PLA2G12B: variants seen among roughly 807,000 people sequenced by gnomAD.
The protein encoded by PLA2G12B is group XIIB secretory phospholipase A2-like protein.
Under a neutral mutation model 22.3 loss-of-function variants are expected in PLA2G12B, and 19 were observed. The ratio of observed to expected loss-of-function variants is 0.85; its 90% CI spans 0.60 to 1.25. The LOEUF (loss-of-function observed/expected upper bound fraction) is 1.25. Among genes scored for constraint, PLA2G12B ranks in the 50% most tolerant of loss-of-function variants. The probability of loss-of-function intolerance (pLI) is 0.00; values close to 1 mark genes in which losing one functional copy is unlikely to be tolerated. For missense variants in PLA2G12B, 191 were observed against 246.6 expected, an observed-to-expected ratio of 0.77 and a Z score of 1.51; for synonymous variants, 81 against 94.9, an observed-to-expected ratio of 0.85 and a Z score of 0.85.
chr10:72,949,972 GTCTCAA>G, intron 1 of PLA2G12B, among the ~76,000 whole-genome samples: 1 of 149,948 alleles, frequency 6.7e-6, no homozygotes, highest in African/African-American at 2.5e-5. Context: ...GGGAGACTCC[GTCTCAA>G]GAAAAACAAA....
At chr10:72,937,388 C>T (rs1276177603) in intron 3 of PLA2G12B, among the ~76,000 whole-genome samples, 1 of 152,094 alleles carries the variant, frequency 6.6e-6, no homozygotes, top group Non-Finnish European at 1.5e-5. Flanking sequence ...ATTACTAACC[C>T]AAGCTCGTGA....
At chr10:72,940,921 G>A (rs1055527302) in intron 3 of PLA2G12B, among the ~76,000 whole-genome samples, 2 of 152,062 alleles carry the variant, frequency 1.3e-5, no homozygotes, top group African/African-American at 4.8e-5. Context: ...TTATTTTTCT[G>A]GGAAGACTTT....
intron 2 of PLA2G12B, 52 bp downstream of exon 2, chr10:72,942,600 T>C: frequency 7.2e-7 from 1 of 1,396,340 alleles, no homozygotes; most frequent in Non-Finnish European, 9.8e-7. Flanking sequence ...AACTCTAGGA[T>C]TGCTCTCAGT....
intron 1 of PLA2G12B, among the ~76,000 whole-genome samples, chr10:72,951,235 G>C (rs1196773356): frequency 2.0e-5 from 3 of 151,988 alleles, no homozygotes; most frequent in African/African-American, 7.3e-5. Flanking sequence ...ACTCACCCAA[G>C]GTCACCAGCA....
At chr10:72,936,639 G>T (rs772793824) in intron 3 of PLA2G12B, among the ~76,000 whole-genome samples, 3 of 152,104 alleles carry the variant, frequency 2.0e-5, no homozygotes, top group Non-Finnish European at 4.4e-5. Context: ...TGGCTACAGG[G>T]TTTCTTTTGG....
intron 1 of PLA2G12B, among the ~76,000 whole-genome samples, chr10:72,948,245 GGGTTAC>G (rs1846474043): frequency 6.6e-6 from 1 of 152,100 alleles, no homozygotes; most frequent in African/African-American, 2.4e-5. Flanking sequence ...TCGGTTTCTT[GGGTTAC>G]CCTCTGCCTT....
At chr10:72,951,347 G>A (rs1052129806) in intron 1 of PLA2G12B, among the ~76,000 whole-genome samples, 3 of 151,804 alleles carry the variant, frequency 2.0e-5, no homozygotes, top group Admixed American at 1.3e-4. Flanking sequence ...GCACTTCCAA[G>A]GTCTCACCAC....
chr10:72,936,839 AAAAG>A (rs1344379678), intron 3 of PLA2G12B, among the ~76,000 whole-genome samples: 1 of 152,230 alleles, frequency 6.6e-6, no homozygotes, highest in Non-Finnish European at 1.5e-5. Context: ...AACCAAGAAA[AAAAG>A]AGAGGACTCA....
chr10:72,944,993 G>A (rs997176125), intron 1 of PLA2G12B, among the ~76,000 whole-genome samples: 1 of 152,202 alleles, frequency 6.6e-6, no homozygotes, highest in African/African-American at 2.4e-5. Flanking sequence ...TGGTTGCCAA[G>A]GTGGGCTAGG....
chr10:72,946,848 C>A (rs1424249186), intron 1 of PLA2G12B, among the ~76,000 whole-genome samples: 1 of 151,460 alleles, frequency 6.6e-6, no homozygotes, highest in African/African-American at 2.4e-5. Context: ...GTCAATTCTG[C>A]AAATATTTTG....
At chr10:72,942,365 T>C (rs1362762040) in intron 2 of PLA2G12B, among the ~76,000 whole-genome samples, 1 of 152,116 alleles carries the variant, frequency 6.6e-6, no homozygotes, top group African/African-American at 2.4e-5. Flanking sequence ...ACCTGTCAGA[T>C]CTATCTCAAA....
intron 1 of PLA2G12B, among the ~76,000 whole-genome samples, chr10:72,944,111 CCTT>C (rs1846404974): frequency 6.6e-6 from 1 of 151,520 alleles, no homozygotes; most frequent in Admixed American, 6.6e-5. Flanking sequence ...CTCCTTCCTT[CCTT>C]CTTCTCCTAC....
At chr10:72,952,024 C>T (rs1564605637) in intron 1 of PLA2G12B, among the ~76,000 whole-genome samples, 1 of 152,146 alleles carries the variant, frequency 6.6e-6, no homozygotes, top group Non-Finnish European at 1.5e-5. Context: ...ACCCCTTTAC[C>T]TTGGCTGTGC....
chr10:72,946,568 G>A (rs886963308), intron 1 of PLA2G12B, among the ~76,000 whole-genome samples: 1 of 152,162 alleles, frequency 6.6e-6, no homozygotes, highest in Non-Finnish European at 1.5e-5. Context: ...CAATGCGTGA[G>A]GGTTCCCATT....
chr10:72,951,724 G>T (rs140184911), intron 1 of PLA2G12B, among the ~76,000 whole-genome samples: 2 of 152,256 alleles, frequency 1.3e-5, no homozygotes, highest in African/African-American at 4.8e-5. Flanking sequence ...CTCCCAAAGT[G>T]CTGGGATTAC....
intron 3 of PLA2G12B, among the ~76,000 whole-genome samples, chr10:72,937,787 T>C (rs1040950434): frequency 1.3e-5 from 2 of 152,168 alleles, no homozygotes; most frequent in African/African-American, 4.8e-5. Flanking sequence ...TACCACATGA[T>C]CATCTCAATA....
In PLA2G12B at chr10:72,935,639, T is replaced by C; in HGVS notation, c.566A>G (p.Glu189Gly). 6.2e-7 allele frequency: 1 copy of C among 1,614,198 alleles called. No individual in the cohort carries two copies. Among genetic ancestry groups the C allele is most frequent in the Non-Finnish European group, 8.5e-7 (1 of 1,180,032 alleles). Residue 189 changes from glutamate (E) to glycine (G), a missense_variant, in exon 4 of 4, where the codon GAG becomes GGG. Physicochemically the swap from Glu to Gly is moderately conservative, Grantham distance 98. Coordinates refer to ENST00000373032, the MANE Select transcript of PLA2G12B (RefSeq NM_032562.5). ...NSQRAACICA[E>G]EEKEEL ...TCCTCATAACTCTTCCTTCTCCTCC[T>C]CTGCACAGATGCAAGCTGCCCGCTG...
intron 1 of PLA2G12B, 120 bp downstream of exon 1, chr10:72,954,355 C>A: frequency 8.2e-7 from 1 of 1,221,516 alleles, no homozygotes. Flanking sequence ...TTTTTATCTG[C>A]TAAATCTGGC....
chr10:72,937,096 A>C (rs1846290750), intron 3 of PLA2G12B, among the ~76,000 whole-genome samples: 1 of 152,200 alleles, frequency 6.6e-6, no homozygotes, highest in Non-Finnish European at 1.5e-5. Context: ...CTGTAGTCCC[A>C]GCTACTCAGG....
Sources: allele counts gnomAD v4.1 joint callset (sites outside exome capture counted in the v4.1 genomes callset), GRCh38; gene constraint gnomAD v4.1.1; transcripts MANE v1.5; gene names NCBI Gene and HGNC (gene_info 2026-07-23, HGNC 2026-07-21).